The following CEP76 variants were observed in gnomAD, a reference collection of about 807,000 sequenced individuals.
CEP76 encodes centrosomal protein 76.
A neutral mutation model predicts 83.3 loss-of-function variants in CEP76; 55 were observed. That is an observed-to-expected ratio of 0.66 (90% CI 0.53 to 0.83). The LOEUF is 0.83. Among genes scored for constraint, CEP76 ranks in the 40% least tolerant of loss-of-function variants. The pLI is 0.00. For missense variants in CEP76, 694 were observed against 799.5 expected, an observed-to-expected ratio of 0.87 and a Z score of 1.59; for synonymous variants, 270 against 274.5, an observed-to-expected ratio of 0.98 and a Z score of 0.16.
chr18:12,669,188 C>T (rs2038877898), downstream of CEP76, among the ~76,000 whole-genome samples: 1 of 151,252 alleles, frequency 6.6e-6, no homozygotes, highest in African/African-American at 2.4e-5. Context: ...TCTCAGCTCA[C>T]GGCAACCTCC....
In CEP76 at chr18:12,678,164, A is replaced by G. The variant is rs1266585602; in HGVS notation, c.1568T>C (p.Val523Ala). The stretch of plus-strand genomic sequence containing the variant: ...CTGCATTTCAATTTCATTACTTGTT[A>G]CTGACGCGTCAATTGTGGATGCACA... ...PLCASTIDAS[V>A]TSNEIEMQLR... is the part of the protein sequence containing the mutation. Residue 523 changes from valine (V) to alanine (A), a missense_variant, in exon 10 of 12, where the codon GTA (valine) becomes GCA (alanine). Coordinates refer to ENST00000262127, the MANE Select transcript of CEP76 (RefSeq NM_024899.4). 1 of 1,614,176 alleles carries G rather than the reference A, an allele frequency of 6.2e-7. No individual in the cohort carries two copies. The highest frequency in any genetic ancestry group is 1.7e-5 in the Admixed American group (1 of 60,006).
At chr18:12,668,234 C>T (rs1003897550), downstream of CEP76, among the ~76,000 whole-genome samples, 1 of 151,950 alleles carries the variant, frequency 6.6e-6, no homozygotes, top group Non-Finnish European at 1.5e-5. Flanking sequence ...CACTGCACTC[C>T]AGACTGGGCA....
intron 11 of CEP76, among the ~76,000 whole-genome samples, chr18:12,674,247 GGCA>G (rs1773310086): frequency 1.3e-5 from 2 of 151,888 alleles, no homozygotes; most frequent in African/African-American, 4.8e-5. Flanking sequence ...GACCAGCCTG[GGCA>G]ACATAGGAAG....
chr18:12,698,430 A>G (rs1450622181), intron 4 of CEP76, among the ~76,000 whole-genome samples: 1 of 151,996 alleles, frequency 6.6e-6, no homozygotes, highest in Non-Finnish European at 1.5e-5. Flanking sequence ...TGGCCTCCCA[A>G]AGTGCTGGGA....
intron 5 of CEP76, among the ~76,000 whole-genome samples, chr18:12,696,334 C>T (rs1008105769): frequency 6.6e-6 from 1 of 152,056 alleles, no homozygotes; most frequent in African/African-American, 2.4e-5. Flanking sequence ...GAAACCCCAT[C>T]TCTACTAAAA....
Position 12,672,632 on chromosome 18 carries a change from T to C in CEP76, c.*733A>G, listed in dbSNP as rs1392498683. ...TCCTCTGACCACAGAAAATCAGTGA[T>C]CGACTGCAAGATCACAATTTATCAG... On this transcript the variant is annotated 3_prime_UTR_variant, in exon 12 of 12. Transcript: ENST00000262127. 1.0e-6 allele frequency: 1 copy of C among 981,896 alleles called. No individual in the cohort carries two copies. The highest frequency in any genetic ancestry group is 1.8e-5 in the African/African-American group (1 of 57,132). The allele number at this position is 981,896 out of a possible 1,614,324, so 60.8% of individuals were successfully genotyped here.
intron 5 of CEP76, among the ~76,000 whole-genome samples, 197 bp from the exon 6 acceptor site, chr18:12,695,548 G>A (rs1300340182): frequency 6.6e-6 from 1 of 151,948 alleles, no homozygotes; most frequent in Non-Finnish European, 1.5e-5. Context: ...TTAATTATAA[G>A]GAGATTATTT....
chr18:12,692,066 A>T (rs961977675), intron 6 of CEP76: 1 of 152,186 alleles, frequency 6.6e-6, no homozygotes, highest in Non-Finnish European at 1.5e-5. Context: ...CTGTAATCAC[A>T]ACATTTTGGG....
intron 1 of CEP76, 176 bp downstream of exon 1, chr18:12,702,310 G>C (rs527768360): frequency 1.8e-6 from 1 of 555,518 alleles, no homozygotes; most frequent in Admixed American, 3.8e-5. Flanking sequence ...TTCTTTCTCG[G>C]AGACGAGGAC....
At chr18:12,677,851 A>G (rs1361787527) in intron 10 of CEP76, among the ~76,000 whole-genome samples, 1 of 152,192 alleles carries the variant, frequency 6.6e-6, no homozygotes, top group Non-Finnish European at 1.5e-5. Flanking sequence ...CTTGACTCTA[A>G]GGGATGTGAA....
Position 12,678,342 on chromosome 18 carries a change from T to C in CEP76, c.1390A>G (p.Met464Val). ...RTIGCVFNHQMFLGNCQPSDA... is the reference protein window; with the variant it reads ...RTIGCVFNHQVFLGNCQPSDA... Reference sequence around the variant, plus strand: ...GAGGGTTGACAATTTCCCAGGAACATCTGATGGTTGAAAACACAACCAATT... The same window carrying C: ...GAGGGTTGACAATTTCCCAGGAACACCTGATGGTTGAAAACACAACCAATT... Residue 464 changes from methionine (M) to valine (V), a missense_variant, in exon 10 of 12, where the codon ATG becomes GTG. Coordinates refer to ENST00000262127, the MANE Select transcript of CEP76 (RefSeq NM_024899.4). 6.2e-7 allele frequency: 1 copy of C among 1,614,120 alleles called. No homozygotes were observed. The highest frequency in any genetic ancestry group is 8.5e-7 in the Non-Finnish European group (1 of 1,180,018).
At chr18:12,672,551 C>G, downstream of CEP76, 1 of 540,788 alleles carries the variant, frequency 1.8e-6, no homozygotes, top group African/African-American at 2.4e-5. Flanking sequence ...TTTTTTATCA[C>G]AATGAAAGAA....
intron 10 of CEP76, among the ~76,000 whole-genome samples, chr18:12,677,458 CAAAAAAA>C (rs71174127): frequency 1.4e-3 from 78 of 53,944 alleles, no homozygotes; most frequent in Admixed American, 6.5e-3. Flanking sequence ...GATTCCATCT[CAAAAAAA>C]AAAAAAAAAA....
intron 7 of CEP76, among the ~76,000 whole-genome samples, chr18:12,689,199 T>G (rs992935744): frequency 2.0e-5 from 3 of 152,250 alleles, no homozygotes; most frequent in African/African-American, 4.8e-5. Flanking sequence ...ATTAACGTTT[T>G]GATTTATAAC....
chr18:12,673,754 G>A (rs1376544266), intron 11 of CEP76, among the ~76,000 whole-genome samples: 19 of 152,058 alleles, frequency 1.2e-4, no homozygotes, highest in South Asian at 4.1e-4. Context: ...GGTGGCGGGC[G>A]TCTGTAATCC....
At chr18:12,664,910 G>T (rs1347834547) in intron 12 of CEP76, among the ~76,000 whole-genome samples, 1 of 151,988 alleles carries the variant, frequency 6.6e-6, no homozygotes, top group African/African-American at 2.4e-5. Flanking sequence ...CTTTGGCCAG[G>T]CTGGTCTCAA....
At chr18:12,687,364 T>C (rs568640020) in intron 7 of CEP76, among the ~76,000 whole-genome samples, 16 of 152,060 alleles carry the variant, frequency 1.1e-4, no homozygotes, top group African/African-American at 3.6e-4. Flanking sequence ...CATTTGATTA[T>C]AATGAGAAAG....
chr18:12,692,791 T>C (rs1188905687), intron 6 of CEP76, among the ~76,000 whole-genome samples: 2 of 152,202 alleles, frequency 1.3e-5, no homozygotes, highest in Non-Finnish European at 2.9e-5. Context: ...CTAGCACATT[T>C]TGACATCTAT....
At chr18:12,687,502 G>T (rs2039582585) in intron 7 of CEP76, among the ~76,000 whole-genome samples, 1 of 147,676 alleles carries the variant, frequency 6.8e-6, no homozygotes. Context: ...TGTCCAGGCT[G>T]GAGTGCAGTA....
Sources: gnomAD v4.1 joint callset for allele counts (sites outside exome capture counted in the v4.1 genomes callset) on GRCh38, gnomAD v4.1.1 for gene constraint, MANE v1.5 for transcripts, NCBI Gene and HGNC (gene_info 2026-07-23, HGNC 2026-07-21) for gene names.